SLC4A4: variants seen among roughly 807,000 people sequenced by gnomAD.
The protein encoded by SLC4A4 is solute carrier family 4 member 4.
A neutral mutation model predicts 111.5 loss-of-function variants in SLC4A4; 27 were observed. That is an observed-to-expected ratio of 0.24 (90% CI 0.18 to 0.33). SLC4A4 has a LOEUF of 0.33. SLC4A4 is among the 10% of genes least tolerant of loss of function. The pLI, the probability that SLC4A4 is intolerant of heterozygous loss-of-function variation, is 1.00. For missense variants in SLC4A4, 909 were observed against 1,315.5 expected (o/e 0.69, Z 4.78); for synonymous variants, 443 against 463.4 (o/e 0.96, Z 0.57).
chr4:71,322,649 A>G (rs1240023539), intron 3 of SLC4A4, among the ~76,000 whole-genome samples: 1 of 151,992 alleles, frequency 6.6e-6, no homozygotes, highest in Non-Finnish European at 1.5e-5. Flanking sequence ...AAGCAGAGTG[A>G]TTCATCATGT....
chr4:71,092,309 C>G (rs1447092759), intron 1 of SLC4A4, among the ~76,000 whole-genome samples: 1 of 152,112 alleles, frequency 6.6e-6, no homozygotes, highest in Admixed American at 6.5e-5. Context: ...ATAGATTTCT[C>G]TCTTTTTATA....
intron 2 of SLC4A4, among the ~76,000 whole-genome samples, chr4:71,242,278 CT>C (rs2149044536): frequency 6.6e-6 from 1 of 152,208 alleles, no homozygotes; most frequent in East Asian, 1.9e-4. Context: ...GCAGTTTTGC[CT>C]ATAGATTGAG....
At chr4:71,271,785 G>A (rs1722717853) in intron 3 of SLC4A4, among the ~76,000 whole-genome samples, 1 of 152,116 alleles carries the variant, frequency 6.6e-6, no homozygotes, top group African/African-American at 2.4e-5. Flanking sequence ...ATTGCAAGGG[G>A]GCTAACATTT....
chr4:71,556,943 G>A (rs1463290436), intron 21 of SLC4A4, among the ~76,000 whole-genome samples: 1 of 151,940 alleles, frequency 6.6e-6, no homozygotes, highest in African/African-American at 2.4e-5. Context: ...TCCTGTGATA[G>A]GTTCTTGAAT....
At chr4:71,077,575 G>A (rs1741873956) in intron 1 of SLC4A4, among the ~76,000 whole-genome samples, 1 of 152,162 alleles carries the variant, frequency 6.6e-6, no homozygotes, top group South Asian at 2.1e-4. Flanking sequence ...TCATTATCCA[G>A]GCTAATGGAC....
chr4:71,214,960 C>G (rs938997344), intron 1 of SLC4A4, among the ~76,000 whole-genome samples: 4 of 152,202 alleles, frequency 2.6e-5, no homozygotes, highest in African/African-American at 9.6e-5. Context: ...TATGATTTTG[C>G]TTTTGCTGTG....
chr4:71,472,750 C>T lies in SLC4A4; in HGVS notation c.1683C>T (p.Ser561=), dbSNP rs35169468. Residue 561 remains serine (S), a synonymous_variant, in exon 14 of 26, where the codon TCC becomes TCT. Transcript: ENST00000264485. ...TTCGCCTTTGGATTGGCCTGTGGTC[C>T]GCCTTCCTATGTCTCATTTTGGTAG... The part of the protein sequence containing the change: ...LEFRLWIGLW[S]AFLCLILVAT... 4,630 of 1,612,782 alleles carry T rather than the reference C, an allele frequency of 2.9e-3. 76 individuals carry two copies. In the African/African-American group the frequency reaches 0.042, roughly 15 times the overall value.
chr4:71,183,407 T>C (rs950156953), upstream of SLC4A4, among the ~76,000 whole-genome samples: 74 of 152,320 alleles, frequency 4.9e-4, no homozygotes, highest in African/African-American at 1.8e-3. Flanking sequence ...ACCTTCATTC[T>C]CTCCTCATAA....
intron 7 of SLC4A4, among the ~76,000 whole-genome samples, chr4:71,427,452 C>T (rs1723249328): frequency 1.3e-5 from 2 of 152,050 alleles, no homozygotes; most frequent in African/African-American, 2.4e-5. Context: ...TTTAAATTCC[C>T]ATCTTGAAAT....
intron 6 of SLC4A4, among the ~76,000 whole-genome samples, chr4:71,374,845 A>C (rs1326189347): frequency 6.6e-6 from 1 of 152,120 alleles, no homozygotes; most frequent in African/African-American, 2.4e-5. Context: ...GTGCTTGACA[A>C]AATGGTGATA....
intron 2 of SLC4A4, among the ~76,000 whole-genome samples, chr4:71,125,655 T>G (rs763014607): frequency 6.6e-6 from 1 of 152,208 alleles, no homozygotes; most frequent in Non-Finnish European, 1.5e-5. Context: ...CATCTTATAT[T>G]TAATAATAAA....
At chr4:71,556,833 T>C (rs944072286) in intron 21 of SLC4A4, among the ~76,000 whole-genome samples, 4 of 152,022 alleles carry the variant, frequency 2.6e-5, no homozygotes, top group African/African-American at 9.7e-5. Flanking sequence ...ACTTTTGCAC[T>C]TCTTTCCCTC....
chr4:71,439,435 CAAAAAAAAAAAAAAAAAAAAAAAAAAA>C (rs56283596), intron 7 of SLC4A4, among the ~76,000 whole-genome samples: 1 of 34,186 alleles, frequency 2.9e-5, no homozygotes, highest in Non-Finnish European at 5.5e-5. Context: ...GACTCTGTCT[CAAAAAAAAAAAAAAAAAAAAAAAAAAA>C]AAAAAAAAAG....
chr4:71,506,926 T>C (rs1201062153), intron 16 of SLC4A4, among the ~76,000 whole-genome samples: 4 of 151,888 alleles, frequency 2.6e-5, no homozygotes, highest in African/African-American at 7.3e-5. Flanking sequence ...CCAGAAGAGA[T>C]TGGGGGCCAA....
chr4:71,188,163 A>G (rs569900662), intron 1 of SLC4A4, among the ~76,000 whole-genome samples: 9 of 152,332 alleles, frequency 5.9e-5, no homozygotes, highest in Admixed American at 3.9e-4. Flanking sequence ...AGAGGAAGGC[A>G]GGACCTGGGA....
Position 71,425,252 on chromosome 4 carries a change from T to C in SLC4A4, c.808-15364T>C, listed in dbSNP as rs559565968. Among the ~76,000 whole-genome samples the C allele has an allele frequency of 2.0e-5, 3 of 152,220 alleles. No individual in the cohort carries two copies. The South Asian group carries it at 6.2e-4, about 32-fold the overall frequency. On this transcript the variant is annotated intron_variant, in intron 7 of 25. Coordinates refer to ENST00000264485, the MANE Select transcript of SLC4A4 (RefSeq NM_001098484.3). ...GAGAAACAAAGGCCAAGGAACCCTT[T>C]ATTGTTGGCTGAGGTTTTGTCTTCA...
intron 2 of SLC4A4, among the ~76,000 whole-genome samples, chr4:71,160,195 T>C: frequency 6.9e-6 from 1 of 145,418 alleles, no homozygotes; most frequent in Non-Finnish European, 1.5e-5. Context: ...TTAAAACCCA[T>C]GTAGTCTGAT....
At chr4:71,474,548 C>T (rs1460714134) in intron 14 of SLC4A4, among the ~76,000 whole-genome samples, 1 of 151,834 alleles carries the variant, frequency 6.6e-6, no homozygotes, top group Non-Finnish European at 1.5e-5. Context: ...TCTTAGAAGA[C>T]TGATATGTGT....
chr4:71,208,831 A>C (rs1041040942), intron 1 of SLC4A4, among the ~76,000 whole-genome samples: 1 of 152,192 alleles, frequency 6.6e-6, no homozygotes, highest in Non-Finnish European at 1.5e-5. Context: ...TCTTGAGGAC[A>C]TTAGATGATA....
Sources: allele counts gnomAD v4.1 joint callset (sites outside exome capture counted in the v4.1 genomes callset), GRCh38; gene constraint gnomAD v4.1.1; transcripts MANE v1.5; gene names NCBI Gene and HGNC (gene_info 2026-07-23, HGNC 2026-07-21).